Variants in KANK1 observed in about 807,000 individuals in gnomAD.
The protein encoded by KANK1 is KN motif and ankyrin repeat domain-containing protein 1.
Under a neutral mutation model 106.2 loss-of-function variants are expected in KANK1, and 109 were observed. The observed-to-expected ratio is 1.03, with a 90% CI of 0.88 to 1.20. The LOEUF (loss-of-function observed/expected upper bound fraction) is 1.20. KANK1 is among the 50% of genes most tolerant of loss of function. The probability of loss-of-function intolerance (pLI) is 0.00; values close to 1 mark genes in which losing one functional copy is unlikely to be tolerated. For missense variants in KANK1, 2,399 were observed against 1,710.7 expected (o/e 1.40, Z -7.10); for synonymous variants, 873 against 652.2 (o/e 1.34, Z -5.16).
chr9:575,953 G>T (rs1249793212), intron 1 of KANK1, among the ~76,000 whole-genome samples: 1 of 152,224 alleles, frequency 6.6e-6, no homozygotes, highest in Non-Finnish European at 1.5e-5. Flanking sequence ...AACCCAGTAT[G>T]TGGAGGTTAC....
chr9:621,536 G>C (rs1036193663), intron 1 of KANK1, among the ~76,000 whole-genome samples: 1 of 152,088 alleles, frequency 6.6e-6, no homozygotes, highest in Non-Finnish European at 1.5e-5. Flanking sequence ...ATTTTGTATT[G>C]GTATATTTAC....
chr9:723,043 A>G (rs916390411), intron 3 of KANK1, among the ~76,000 whole-genome samples: 1 of 152,218 alleles, frequency 6.6e-6, no homozygotes, highest in Non-Finnish European at 1.5e-5. Flanking sequence ...TGAAAAGAGT[A>G]TGGGTCGAAT....
At chr9:551,122 T>G (rs945180076) in intron 1 of KANK1, among the ~76,000 whole-genome samples, 4 of 151,856 alleles carry the variant, frequency 2.6e-5, no homozygotes, top group African/African-American at 9.7e-5. Context: ...ATACAACATG[T>G]GTGGCTCAGT....
At chr9:729,256 A>G (rs928091956) in intron 3 of KANK1, among the ~76,000 whole-genome samples, 2 of 152,204 alleles carry the variant, frequency 1.3e-5, no homozygotes, top group Non-Finnish European at 2.9e-5. Context: ...TACCATCTAC[A>G]AGGGAGTCTA....
intron 3 of KANK1, among the ~76,000 whole-genome samples, chr9:476,444 C>G (rs1025219020): frequency 6.6e-6 from 1 of 151,500 alleles, no homozygotes; most frequent in African/African-American, 2.4e-5. Flanking sequence ...TCGCTTGAAC[C>G]CGGGAGGCAG....
chr9:700,852 A>G (rs893948324), intron 2 of KANK1, among the ~76,000 whole-genome samples: 2 of 152,210 alleles, frequency 1.3e-5, no homozygotes, highest in African/African-American at 4.8e-5. Context: ...CTGGGCCTAG[A>G]GTGTGCAGCA....
At chr9:636,647 C>T (rs969769018) in intron 1 of KANK1, among the ~76,000 whole-genome samples, 13 of 152,194 alleles carry the variant, frequency 8.5e-5, no homozygotes, top group African/African-American at 2.4e-4. Flanking sequence ...GCAGGCGGAT[C>T]ACGAGGTCAG....
At chr9:528,139 G>GAA (rs77736906) in intron 1 of KANK1, among the ~76,000 whole-genome samples, 52 of 125,848 alleles carry the variant, frequency 4.1e-4, no homozygotes, top group African/African-American at 1.3e-3. Flanking sequence ...TCCGTCTCGG[G>GAA]AAAAAAAAAA....
At chr9:694,727 C>T (rs369791930) in intron 2 of KANK1, among the ~76,000 whole-genome samples, 1 of 152,164 alleles carries the variant, frequency 6.6e-6, no homozygotes, top group African/African-American at 2.4e-5. Context: ...CTCACTCTTA[C>T]GTGCAGCCTG....
intron 2 of KANK1, chr9:684,172 T>G (rs1040548343): frequency 1.1e-5 from 11 of 985,268 alleles, no homozygotes; most frequent in Middle Eastern, 5.2e-4. Context: ...CTTATAAGCT[T>G]TCTTGCCCCA....
intron 1 of KANK1, among the ~76,000 whole-genome samples, chr9:541,566 A>G (rs1563739609): frequency 6.6e-6 from 1 of 152,172 alleles, no homozygotes; most frequent in East Asian, 1.9e-4. Context: ...CTGGGCAATG[A>G]TGTTTTGGAT....
intron 1 of KANK1, among the ~76,000 whole-genome samples, chr9:598,939 G>GA (rs2135785722): frequency 6.8e-6 from 1 of 147,342 alleles, no homozygotes; most frequent in East Asian, 2.0e-4. Flanking sequence ...GCCATCCCTA[G>GA]GTATTTTATT....
upstream of KANK1, among the ~76,000 whole-genome samples, chr9:504,178 C>T (rs1298968367): frequency 6.6e-6 from 1 of 152,190 alleles, no homozygotes; most frequent in Non-Finnish European, 1.5e-5. Context: ...GCCAGAACCC[C>T]CGCCCCAGCC....
At chr9:530,994 C>T (rs979921196) in intron 1 of KANK1, among the ~76,000 whole-genome samples, 2 of 151,798 alleles carry the variant, frequency 1.3e-5, no homozygotes, top group African/African-American at 4.8e-5. Flanking sequence ...ATTATGCAAA[C>T]TTTAAAGGAA....
intron 1 of KANK1, among the ~76,000 whole-genome samples, chr9:593,471 C>G (rs1382947447): frequency 1.4e-5 from 2 of 140,444 alleles, no homozygotes; most frequent in Admixed American, 1.4e-4. Context: ...CATATACTTG[C>G]ATTTTTTTTT....
At chr9:600,283 C>T (rs1463730502) in intron 1 of KANK1, among the ~76,000 whole-genome samples, 2 of 151,682 alleles carry the variant, frequency 1.3e-5, no homozygotes, top group African/African-American at 2.4e-5. Context: ...TGGAATCACA[C>T]GCTGTCTGTC....
intron 1 of KANK1, among the ~76,000 whole-genome samples, chr9:651,180 A>C (rs1303735056): frequency 6.6e-6 from 1 of 152,214 alleles, no homozygotes; most frequent in Non-Finnish European, 1.5e-5. Flanking sequence ...CAACACTAAA[A>C]ATCATACATA....
intron 1 of KANK1, among the ~76,000 whole-genome samples, chr9:610,172 A>G (rs144848637): frequency 6.6e-6 from 1 of 152,338 alleles, no homozygotes; most frequent in Non-Finnish European, 1.5e-5. Flanking sequence ...ATAAGTTCAC[A>G]GGAATAACTA....
At chr9:530,922 C>T (rs1029040868) in intron 1 of KANK1, among the ~76,000 whole-genome samples, 3 of 152,000 alleles carry the variant, frequency 2.0e-5, no homozygotes, top group Non-Finnish European at 4.4e-5. Context: ...TGGCACTGCA[C>T]TCCATCGTGG....
Sources: gnomAD v4.1 joint callset for allele counts (sites outside exome capture counted in the v4.1 genomes callset) on GRCh38, gnomAD v4.1.1 for gene constraint, MANE v1.5 for transcripts, NCBI Gene and HGNC (gene_info 2026-07-23, HGNC 2026-07-21) for gene names.